Variants in RBMS3 observed in about 807,000 individuals in gnomAD.
RBMS3 encodes RNA-binding motif, single-stranded-interacting protein 3.
In RBMS3, 27 loss-of-function variants were observed where a neutral mutation model predicts 66.8. That is an observed-to-expected ratio of 0.40 (90% CI 0.30 to 0.56). The LOEUF is 0.56. Among genes scored for constraint, RBMS3 ranks in the 20% least tolerant of loss-of-function variants. The pLI, the probability that RBMS3 is intolerant of heterozygous loss-of-function variation, is 0.40. For missense variants in RBMS3, 513 were observed against 549.5 expected (o/e 0.93, Z 0.66); for synonymous variants, 188 against 183.0 (o/e 1.03, Z -0.22).
At chr3:29,620,140 A>C (rs956802806) in intron 4 of RBMS3, among the ~76,000 whole-genome samples, 1 of 152,174 alleles carries the variant, frequency 6.6e-6, no homozygotes, top group Non-Finnish European at 1.5e-5. Context: ...AATTTTGGAG[A>C]TATTAAAGGC....
chr3:29,432,016 T>C (rs1160521725), intron 1 of RBMS3, among the ~76,000 whole-genome samples: 1 of 152,078 alleles, frequency 6.6e-6, no homozygotes, highest in Admixed American at 6.6e-5. Flanking sequence ...GCGTGAACCA[T>C]AGTGCCCAGT....
intron 12 of RBMS3, among the ~76,000 whole-genome samples, chr3:29,986,105 T>C (rs1465109962): frequency 6.6e-6 from 1 of 152,090 alleles, no homozygotes; most frequent in Non-Finnish European, 1.5e-5. Flanking sequence ...GAATAGGAAA[T>C]ACTCAAATAG....
Position 29,722,010 on chromosome 3 carries a change from G to A in RBMS3, c.400-17710G>A, listed in dbSNP as rs188813040. Among the ~76,000 whole-genome samples, 19 of 152,246 alleles carry A rather than the reference G, an allele frequency of 1.2e-4. No homozygotes were observed. The East Asian group carries it at 3.5e-3, about 28-fold the overall frequency. ...TGAGTATGTTAATTGTGCAATATTA[G>A]GAGAAGCAGATGCTGAATTTCGTGT... On this transcript the variant is annotated intron_variant, in intron 4 of 14. Transcript: ENST00000383767.
At chr3:29,404,392 G>A (rs6549939) in intron 1 of RBMS3, among the ~76,000 whole-genome samples, 1 of 151,890 alleles carries the variant, frequency 6.6e-6, no homozygotes, top group Non-Finnish European at 1.5e-5. Context: ...GATTCTGTTT[G>A]TATTTTGATG....
rs989044419 is a variant in RBMS3, at chr3:30,009,780, A to G, written c.*5918A>G. Reference sequence around the variant, plus strand: ...TTTATGATCACATCAAATTTAAACAATGTCCAAAGTGTAACTTTAATGTTA... The same window carrying G: ...TTTATGATCACATCAAATTTAAACAGTGTCCAAAGTGTAACTTTAATGTTA... On this transcript the variant is annotated 3_prime_UTR_variant, in exon 15 of 15. Coordinates refer to ENST00000383767, the MANE Select transcript of RBMS3 (RefSeq NM_001003793.3). The G allele has an allele frequency of 2.0e-5, 3 of 152,200 alleles. No homozygotes were observed. Among genetic ancestry groups the G allele is most frequent in the African/African-American group, 7.2e-5 (3 of 41,458 alleles). 9.4% of individuals were successfully genotyped at this position (152,200 alleles called of 1,614,324 possible). A position where few individuals can be genotyped will look rare whatever the true frequency, so the allele number is the denominator to read the frequency against.
intron 4 of RBMS3, among the ~76,000 whole-genome samples, chr3:29,611,206 A>G (rs1277061110): frequency 6.6e-6 from 1 of 152,086 alleles, no homozygotes; most frequent in Non-Finnish European, 1.5e-5. Context: ...TGATTGAAGC[A>G]ACTGGAAATG....
chr3:29,722,748 G>A (rs12374180), intron 4 of RBMS3, among the ~76,000 whole-genome samples: 3,590 of 152,010 alleles, frequency 0.024, 56 homozygotes, highest in Non-Finnish European at 0.033. Context: ...GATTAGGTTC[G>A]GGTTATGCCT....
At chr3:29,444,545 G>A (rs999423231) in intron 2 of RBMS3, among the ~76,000 whole-genome samples, 2 of 152,054 alleles carry the variant, frequency 1.3e-5, no homozygotes, top group Non-Finnish European at 2.9e-5. Flanking sequence ...GAGTGCAGGA[G>A]TGTGCTATAC....
intron 1 of RBMS3, among the ~76,000 whole-genome samples, chr3:29,308,591 A>G (rs1280432227): frequency 1.3e-5 from 2 of 151,754 alleles, no homozygotes. Context: ...AGTCCGAAAT[A>G]TTGGTGAAAA....
intron 2 of RBMS3, among the ~76,000 whole-genome samples, chr3:29,437,058 G>A (rs988227464): frequency 1.9e-4 from 29 of 152,178 alleles, no homozygotes; most frequent in Admixed American, 2.6e-4. Flanking sequence ...TATTATTTCT[G>A]TGTTTACTTG....
chr3:29,895,645 A>T (rs2060109103), intron 8 of RBMS3, among the ~76,000 whole-genome samples: 1 of 151,562 alleles, frequency 6.6e-6, no homozygotes, highest in South Asian at 2.1e-4. Flanking sequence ...GAGGAAGGAC[A>T]TTTGGGTTGT....
At chr3:29,907,288 C>T (rs1559788906) in intron 10 of RBMS3, among the ~76,000 whole-genome samples, 1 of 152,098 alleles carries the variant, frequency 6.6e-6, no homozygotes, top group Non-Finnish European at 1.5e-5. Flanking sequence ...AATTCATTCT[C>T]AGCTTTTCCA....
At chr3:29,587,073 C>T (rs781026605) in intron 3 of RBMS3, 41 bp from the exon 4 acceptor site, 3 of 1,489,136 alleles carry the variant, frequency 2.0e-6, no homozygotes, top group South Asian at 1.2e-5. Context: ...AGAGATTCAG[C>T]TTTTTGTGAA....
At position 29,361,512 on chromosome 3, in the gene RBMS3, G is replaced by T. The variant is rs896583345; in HGVS notation, c.76-73231G>T. ...CCTTCATTTCAACTTTGGCGAATCT[G>T]ACAATTATGTGTCTTGGAGTTGGTC... is the stretch of plus-strand genomic sequence containing the variant. On this transcript the variant is annotated intron_variant, in intron 1 of 14. Transcript: ENST00000383767. Among the ~76,000 whole-genome samples the T allele has an allele frequency of 1.3e-5, 2 of 152,126 alleles. 1 individual carries two copies. Among genetic ancestry groups the T allele is most frequent in the Non-Finnish European group, 2.9e-5 (2 of 68,022 alleles).
intron 12 of RBMS3, among the ~76,000 whole-genome samples, chr3:29,966,543 C>T (rs1356916620): frequency 6.6e-6 from 1 of 152,044 alleles, no homozygotes; most frequent in African/African-American, 2.4e-5. Context: ...GTACATTAAC[C>T]TTGTATCCAG....
At chr3:29,941,875 A>G (rs909439927) in intron 11 of RBMS3, among the ~76,000 whole-genome samples, 4 of 151,798 alleles carry the variant, frequency 2.6e-5, no homozygotes, top group African/African-American at 9.7e-5. Flanking sequence ...ACAAATTGCT[A>G]ATGAAGGTGT....
chr3:29,420,970 G>T (rs56201880), intron 1 of RBMS3, among the ~76,000 whole-genome samples: 25,168 of 144,946 alleles, frequency 0.17, 2,693 homozygotes, highest in Non-Finnish European at 0.25. Context: ...AAAATTAACT[G>T]GGCGTGGTGG....
At chr3:29,843,235 C>T (rs896635823) in intron 6 of RBMS3, among the ~76,000 whole-genome samples, 6 of 152,096 alleles carry the variant, frequency 3.9e-5, no homozygotes, top group South Asian at 2.1e-4. Context: ...GTCACGAGAA[C>T]GTAAATACAT....
intron 4 of RBMS3, among the ~76,000 whole-genome samples, chr3:29,713,402 T>C (rs2053255146): frequency 6.6e-6 from 1 of 152,138 alleles, no homozygotes; most frequent in Non-Finnish European, 1.5e-5. Context: ...GAAAAGTCTG[T>C]AATGGAAACC....
Sources: allele counts gnomAD v4.1 joint callset (sites outside exome capture counted in the v4.1 genomes callset), GRCh38; gene constraint gnomAD v4.1.1; transcripts MANE v1.5; gene names NCBI Gene and HGNC (gene_info 2026-07-23, HGNC 2026-07-21).